ACACA: variants seen among roughly 807,000 people sequenced by gnomAD.
ACACA encodes acetyl-CoA carboxylase alpha.
In ACACA, 103 loss-of-function variants were observed where a neutral mutation model predicts 296.1. The ratio of observed to expected loss-of-function variants is 0.35; its 90% CI spans 0.30 to 0.41. ACACA has a LOEUF of 0.41. Ranked by LOEUF, ACACA falls within the 10% of genes least tolerant of loss-of-function variation. The pLI is 1.00. For synonymous variants in ACACA, 953 were observed against 1,038.6 expected (o/e 0.92, Z 1.58); for missense variants, 1,554 against 2,989.7 (o/e 0.52, Z 11.20).
At chr17:37,236,110 A>C (rs1402713234) in intron 24 of ACACA, among the ~76,000 whole-genome samples, 1 of 152,254 alleles carries the variant, frequency 6.6e-6, no homozygotes, top group Non-Finnish European at 1.5e-5. Context: ...AAACCAGAAC[A>C]GTGACGTTCA....
At chr17:37,142,323 G>A (rs1182532151) in intron 45 of ACACA, among the ~76,000 whole-genome samples, 1 of 152,176 alleles carries the variant, frequency 6.6e-6, no homozygotes, top group Non-Finnish European at 1.5e-5. Flanking sequence ...GGTCACTAAG[G>A]CAGACTAATA....
chr17:37,177,957 T>C (rs2077182117), intron 41 of ACACA, among the ~76,000 whole-genome samples: 2 of 152,154 alleles, frequency 1.3e-5, no homozygotes, highest in South Asian at 4.1e-4. Flanking sequence ...CTTGTATATA[T>C]AGTGAAATTT....
intron 24 of ACACA, among the ~76,000 whole-genome samples, chr17:37,237,341 C>T (rs980111856): frequency 6.6e-6 from 1 of 152,058 alleles, no homozygotes; most frequent in Non-Finnish European, 1.5e-5. Context: ...TATATGTATC[C>T]TAGTAAACAT....
chr17:37,162,137 A>G (rs1292888842), intron 41 of ACACA, 87 bp from the exon 42 acceptor site: 29 of 1,394,572 alleles, frequency 2.1e-5, no homozygotes, highest in Non-Finnish European at 2.8e-5. Context: ...GAGTATACCT[A>G]GGCACAGCCA....
chr17:37,321,472 G>A (rs951143463), intron 3 of ACACA, among the ~76,000 whole-genome samples: 8 of 152,120 alleles, frequency 5.3e-5, no homozygotes, highest in East Asian at 1.9e-4. Context: ...AAACGTGGCC[G>A]GGTGCGGTGG....
At chr17:37,301,334 A>ATGAACAGTG in intron 3 of ACACA, 1 of 978,540 alleles carries the variant, frequency 1.0e-6, no homozygotes, top group Non-Finnish European at 1.2e-6. Context: ...AATTTAAAGC[A>ATGAACAGTG]TCCCCCTTTT....
chr17:37,174,020 A>ATATATTTTTTTTTTTTT (rs552735515), intron 41 of ACACA, among the ~76,000 whole-genome samples: 2 of 16,792 alleles, frequency 1.2e-4, no homozygotes, highest in African/African-American at 2.6e-4. Context: ...ATATATATAT[A>ATATATTTTTTTTTTTTT]TTTTTTTTTT....
chr17:37,330,443 A>C lies in ACACA; in HGVS notation c.86-18T>G. 6.2e-7 allele frequency: 1 copy of C among 1,614,048 alleles called. No homozygotes were observed. The highest frequency in any genetic ancestry group is 8.5e-7 in the Non-Finnish European group (1 of 1,179,984). On this transcript the variant is annotated intron_variant, in intron 2 of 55. Coordinates refer to ENST00000616317, the MANE Select transcript of ACACA (RefSeq NM_198834.3). ...TCTTACAGCTATGGAGAAAATGAAAAGTGAGAAAGGCAGGTTATGAATAAT... is the reference window on the plus strand; with the variant it reads ...TCTTACAGCTATGGAGAAAATGAAACGTGAGAAAGGCAGGTTATGAATAAT...
chr17:37,234,247 T>C lies in ACACA; in HGVS notation c.3246+728A>G, dbSNP rs73982280. ...GGGTGAGGGACTCTAGGAGTAGTCC[T>C]ACTGTACTAATTCCTACAACTAACT... On this transcript the variant is annotated intron_variant, in intron 25 of 55. Coordinates refer to ENST00000616317, the MANE Select transcript of ACACA (RefSeq NM_198834.3). Among the ~76,000 whole-genome samples the C allele has an allele frequency of 1.1e-3, 168 of 152,318 alleles. 1 individual carries two copies. Among genetic ancestry groups the C allele is most frequent in the African/African-American group, 4.0e-3 (165 of 41,572 alleles).
In ACACA at chr17:37,330,904, C is replaced by T. The variant is rs2047846685; in HGVS notation, c.86-479G>A. Among the ~76,000 whole-genome samples the T allele has an allele frequency of 2.0e-5, 3 of 151,822 alleles. No individual in the cohort carries two copies. The South Asian group carries it at 6.2e-4, about 32-fold the overall frequency. ...AACACTATATATTGAGAGGCTATAA[C>T]TTTTATTTTATTATTTATTTATTTG... On this transcript the variant is annotated intron_variant, in intron 2 of 55. Coordinates refer to ENST00000616317, the MANE Select transcript of ACACA (RefSeq NM_198834.3).
intron 52 of ACACA, among the ~76,000 whole-genome samples, chr17:37,108,894 C>T (rs911793191): frequency 3.9e-5 from 6 of 152,154 alleles, no homozygotes; most frequent in African/African-American, 1.4e-4. Flanking sequence ...TAATTTAGTT[C>T]GGGCTCAGTA....
At chr17:37,148,139 C>A (rs1002235056) in intron 45 of ACACA, among the ~76,000 whole-genome samples, 1 of 149,656 alleles carries the variant, frequency 6.7e-6, no homozygotes, top group Non-Finnish European at 1.5e-5. Flanking sequence ...TAAAATCTTT[C>A]AAAAATTCTG....
At chr17:37,303,559 T>C (rs142345412) in intron 3 of ACACA, among the ~76,000 whole-genome samples, 189 of 152,246 alleles carry the variant, frequency 1.2e-3, no homozygotes, top group African/African-American at 4.2e-3. Context: ...TTTAGTTTTA[T>C]AAGAAAGTGT....
At chr17:37,219,293 T>C (rs1470444670) in intron 29 of ACACA, among the ~76,000 whole-genome samples, 1 of 152,194 alleles carries the variant, frequency 6.6e-6, no homozygotes, top group Non-Finnish European at 1.5e-5. Flanking sequence ...GGGAACAAAC[T>C]GGGAAGCTCT....
chr17:37,379,524 A>G (rs1040958088), intron 1 of ACACA: 1 of 1,237,292 alleles, frequency 8.1e-7, no homozygotes, highest in Non-Finnish European at 1.1e-6. Flanking sequence ...TTTCTTGTAA[A>G]TTTGTTTGAG....
intron 1 of ACACA, among the ~76,000 whole-genome samples, chr17:37,383,093 C>T (rs1277656683): frequency 6.6e-6 from 1 of 152,146 alleles, no homozygotes; most frequent in Non-Finnish European, 1.5e-5. Context: ...AATATTAATG[C>T]AAATTAATTA....
chr17:37,155,270 G>A (rs966935965), intron 43 of ACACA, among the ~76,000 whole-genome samples: 4 of 151,920 alleles, frequency 2.6e-5, no homozygotes, highest in Non-Finnish European at 4.4e-5. Context: ...AAGAATACAC[G>A]AAATTTCCCC....
chr17:37,097,247 A>C lies in ACACA; in HGVS notation c.6721-81T>G. The C allele has an allele frequency of 6.6e-7, 1 of 1,513,448 alleles. No homozygotes were observed. Among genetic ancestry groups the C allele is most frequent in the African/African-American group, 1.4e-5 (1 of 73,078 alleles). The allele number at this position is 1,513,448 out of a possible 1,614,324, so 93.8% of individuals were successfully genotyped here. On this transcript the variant is annotated intron_variant, in intron 53 of 55. Transcript: ENST00000616317. This position sits in a 1 kb window ranked among gnomAD's most constrained non-coding sequence, Gnocchi z 4.8. ...TCTGGAGGGAAACCCACAGGCATAAAAACTGATTCTCCAGGCAAGCCCTTC... is the reference window on the plus strand; with the variant it reads ...TCTGGAGGGAAACCCACAGGCATAACAACTGATTCTCCAGGCAAGCCCTTC...
intron 48 of ACACA, among the ~76,000 whole-genome samples, chr17:37,124,276 TGA>T (rs1212799213): frequency 6.6e-6 from 1 of 152,110 alleles, no homozygotes; most frequent in East Asian, 1.9e-4. Flanking sequence ...GAAGTCAGAG[TGA>T]GTGTTGCAAT....
Sources: gnomAD v4.1 joint callset for allele counts (sites outside exome capture counted in the v4.1 genomes callset) on GRCh38, gnomAD v4.1.1 for gene constraint, Gnocchi (gnomAD v3.1) non-coding constraint, MANE v1.5 for transcripts, NCBI Gene and HGNC (gene_info 2026-07-23, HGNC 2026-07-21) for gene names.